Variants in VPS4B observed in about 807,000 individuals in gnomAD.
VPS4B encodes vacuolar protein sorting 4 homolog B, also known as vacuolar protein sorting-associated protein 4B.
In VPS4B, 23 loss-of-function variants were observed where a neutral mutation model predicts 56.1. The observed-to-expected ratio is 0.41, with a 90% confidence interval of 0.30 to 0.58. VPS4B has a LOEUF of 0.58. Ranked by LOEUF, VPS4B falls within the 20% of genes least tolerant of loss-of-function variation. The pLI is 0.29. For synonymous variants in VPS4B, 177 were observed against 186.0 expected (o/e 0.95, Z 0.39); for missense variants, 372 against 531.9 (o/e 0.70, Z 2.96).
chr18:63,420,189 T>A (rs933343420), intron 1 of VPS4B, among the ~76,000 whole-genome samples: 2 of 152,212 alleles, frequency 1.3e-5, no homozygotes, highest in African/African-American at 4.8e-5. Flanking sequence ...GGCTCACACC[T>A]GTAACCCAGC....
chr18:63,402,651 T>G (rs1362901242), intron 5 of VPS4B, among the ~76,000 whole-genome samples: 1 of 152,202 alleles, frequency 6.6e-6, no homozygotes, highest in Non-Finnish European at 1.5e-5. Context: ...AGATGATACA[T>G]CAATGACTCA....
chr18:63,417,375 A>G (rs374918389), intron 1 of VPS4B, among the ~76,000 whole-genome samples: 41 of 152,084 alleles, frequency 2.7e-4, no homozygotes, highest in African/African-American at 8.4e-4. Flanking sequence ...TCCAAACACC[A>G]GCTCTGTCTT....
intron 9 of VPS4B, among the ~76,000 whole-genome samples, chr18:63,393,811 A>C (rs1025573579): frequency 6.6e-6 from 1 of 151,970 alleles, no homozygotes; most frequent in Non-Finnish European, 1.5e-5. Context: ...ATGTCAGCTC[A>C]CTGCAACCTC....
rs1916012761 is a variant in VPS4B, at chr18:63,410,380, G to T, written c.206C>A (p.Ala69Glu). ...RAKCTEYLDR[A>E]EKLKEYLKNK... The stretch of plus-strand genomic sequence containing the variant: ...TTTCAGGTACTCCTTTAGTTTTTCT[G>T]CTCTATCAAGATATTCTGTACACTT... The change falls in exon 3 of 11, where the codon GCA becomes GAA. Residue 69 changes from alanine to glutamate, a missense_variant. By Grantham distance (107) the Ala-to-Glu change is moderately radical (BLOSUM62 -1). Transcript: ENST00000238497. 6.2e-7 allele frequency: 1 copy of T among 1,613,748 alleles called. No individual in the cohort carries two copies. Among genetic ancestry groups the T allele is most frequent in the East Asian group, 2.2e-5 (1 of 44,884 alleles).
intron 5 of VPS4B, among the ~76,000 whole-genome samples, chr18:63,403,157 T>C (rs1202809556): frequency 1.3e-5 from 2 of 152,234 alleles, no homozygotes; most frequent in Admixed American, 6.5e-5. Context: ...TCTGAAACTG[T>C]TAAGTGATTC....
chr18:63,408,980 C>T (rs1915975692), intron 3 of VPS4B, among the ~76,000 whole-genome samples: 1 of 152,178 alleles, frequency 6.6e-6, no homozygotes, highest in Non-Finnish European at 1.5e-5. Flanking sequence ...CAGTCAAGGT[C>T]AACTAAATTC....
chr18:63,419,623 TCTC>T (rs1916250209), intron 1 of VPS4B, among the ~76,000 whole-genome samples: 1 of 152,194 alleles, frequency 6.6e-6, no homozygotes, highest in African/African-American at 2.4e-5. Flanking sequence ...GGTTTCTCTC[TCTC>T]AACATCTTAT....
At chr18:63,421,703 C>G (rs530023563) in intron 1 of VPS4B, among the ~76,000 whole-genome samples, 2 of 152,314 alleles carry the variant, frequency 1.3e-5, no homozygotes, top group East Asian at 3.9e-4. Context: ...CGATCTTACA[C>G]ACTACCATCT....
intron 8 of VPS4B, among the ~76,000 whole-genome samples, chr18:63,397,744 T>C (rs1915703199): frequency 6.6e-6 from 1 of 152,232 alleles, no homozygotes; most frequent in Non-Finnish European, 1.5e-5. Context: ...TATGTTTCAT[T>C]AACAATAATT....
At chr18:63,399,699 A>G (rs1033458995) in intron 7 of VPS4B, among the ~76,000 whole-genome samples, 3 of 152,230 alleles carry the variant, frequency 2.0e-5, no homozygotes, top group African/African-American at 7.2e-5. Flanking sequence ...GTCCTACAAG[A>G]TAATTACAAT....
In VPS4B at chr18:63,422,120, T is replaced by A. The variant is rs771645480; in HGVS notation, c.27+113A>T. 610 of 1,225,954 alleles carry A rather than the reference T, an allele frequency of 5.0e-4. 2 individuals are homozygous for A. The highest frequency in any genetic ancestry group is 5.2e-4 in the Non-Finnish European group (480 of 929,942). The allele number at this position is 1,225,954 out of a possible 1,614,324, so 75.9% of individuals were successfully genotyped here. A position where few individuals can be genotyped will look rare whatever the true frequency, so the allele number is the denominator to read the frequency against. ...CTGCAGGTCCCCGGACCCGCCCTCCTGCGCCTCGACCACAGGCGCGGCCGC... is the reference window on the plus strand; with the variant it reads ...CTGCAGGTCCCCGGACCCGCCCTCCAGCGCCTCGACCACAGGCGCGGCCGC... On this transcript the variant is annotated intron_variant, in intron 1 of 10. Transcript: ENST00000238497.
At chr18:63,400,800 T>C in intron 5 of VPS4B, 97 bp from the exon 6 acceptor site, 2 of 1,168,408 alleles carry the variant, frequency 1.7e-6, no homozygotes, top group Admixed American at 2.9e-5. Context: ...ACTCTAAACC[T>C]CTAAGGATCA....
At chr18:63,414,821 T>C (rs1051577117) in intron 1 of VPS4B, among the ~76,000 whole-genome samples, 2 of 152,262 alleles carry the variant, frequency 1.3e-5, no homozygotes, top group African/African-American at 4.8e-5. Context: ...CAGCCACTTG[T>C]TCCTCTCATT....
At chr18:63,400,808 TCAAAA>T in intron 5 of VPS4B, 105 bp from the exon 6 acceptor site, 1 of 1,097,022 alleles carries the variant, frequency 9.1e-7, no homozygotes, top group Non-Finnish European at 1.3e-6. Flanking sequence ...CCTCTAAGGA[TCAAAA>T]CAATATTTTA....
chr18:63,402,432 GC>G (rs1915831960), intron 5 of VPS4B, among the ~76,000 whole-genome samples: 1 of 152,174 alleles, frequency 6.6e-6, no homozygotes, highest in African/African-American at 2.4e-5. Context: ...GAAGGCTCCT[GC>G]CAGGTCCCTG....
chr18:63,394,491 G>C (rs1915626341), intron 9 of VPS4B, among the ~76,000 whole-genome samples: 1 of 151,056 alleles, frequency 6.6e-6, no homozygotes, highest in South Asian at 2.1e-4. Flanking sequence ...TTTTGAGACG[G>C]AGTCTCGCTT....
intron 9 of VPS4B, chr18:63,396,227 AT>A (rs1322894795): frequency 1.3e-5 from 2 of 152,170 alleles, no homozygotes; most frequent in Non-Finnish European, 2.9e-5. Context: ...TCATAGGAAA[AT>A]TTAAAACACA....
chr18:63,394,419 C>A (rs1915624167), intron 9 of VPS4B, among the ~76,000 whole-genome samples: 1 of 151,346 alleles, frequency 6.6e-6, no homozygotes, highest in African/African-American at 2.4e-5. Flanking sequence ...GTGACATAGT[C>A]ACATGTAAAC....
At chr18:63,406,523 G>A (rs897538866) in intron 4 of VPS4B, among the ~76,000 whole-genome samples, 32 of 152,140 alleles carry the variant, frequency 2.1e-4, no homozygotes, top group Non-Finnish European at 5.9e-5. Flanking sequence ...AGATTCAAAT[G>A]AACAAAATAC....
Sources: allele counts gnomAD v4.1 joint callset (sites outside exome capture counted in the v4.1 genomes callset), GRCh38; gene constraint gnomAD v4.1.1; transcripts MANE v1.5; gene names NCBI Gene and HGNC (gene_info 2026-07-23, HGNC 2026-07-21).